Variants in CPQ observed in about 807,000 individuals in gnomAD.
The protein encoded by CPQ is Ser-Met dipeptidase.
In CPQ, 37 loss-of-function variants were observed where a neutral mutation model predicts 45.7. The ratio of observed to expected loss-of-function variants is 0.81; its 90% CI spans 0.62 to 1.07. The LOEUF is 1.07. Among genes scored for constraint, CPQ ranks in the 50% least tolerant of loss-of-function variants. CPQ has a pLI of 0.00. For missense variants in CPQ, 537 were observed against 572.9 expected (o/e 0.94, Z 0.64); for synonymous variants, 186 against 205.8 (o/e 0.90, Z 0.82).
chr8:97,037,654 A>T (rs971256923), intron 6 of CPQ, among the ~76,000 whole-genome samples: 2 of 152,162 alleles, frequency 1.3e-5, no homozygotes, highest in Non-Finnish European at 2.9e-5. Flanking sequence ...TATACTGCAC[A>T]CCTGGGAGCT....
At chr8:96,976,852 G>T (rs551093283) in intron 5 of CPQ, among the ~76,000 whole-genome samples, 1 of 152,130 alleles carries the variant, frequency 6.6e-6, no homozygotes, top group Non-Finnish European at 1.5e-5. Flanking sequence ...ATTAACTCAA[G>T]ATGGAACAAA....
chr8:96,667,351 CTTT>C (rs376559950), intron 1 of CPQ, among the ~76,000 whole-genome samples: 8 of 135,000 alleles, frequency 5.9e-5, no homozygotes, highest in Admixed American at 7.4e-5. Context: ...TTATCTTTTT[CTTT>C]TTTTTTTTTT....
At position 96,995,583 on chromosome 8, in the gene CPQ, AAGGTCTGATAGC is replaced by A. The variant is rs535377474; in HGVS notation, c.961+29540_961+29551del. Among the ~76,000 whole-genome samples the A allele has an allele frequency of 6.5e-3, 993 of 151,956 alleles. 4 individuals are homozygous for A. The highest frequency in any genetic ancestry group is 0.022 in the African/African-American group (925 of 41,474). On this transcript the variant is annotated intron_variant, in intron 5 of 7. Transcript: ENST00000220763. Reference sequence around the variant, plus strand: ...GGGACTGGTGGGAAATCCAAATGGCAAGGTCTGATAGCAGCTGAATAGTTAGAATTGGGGCTC... The same window carrying A: ...GGGACTGGTGGGAAATCCAAATGGCAAGCTGAATAGTTAGAATTGGGGCTC...
intron 7 of CPQ, among the ~76,000 whole-genome samples, chr8:97,084,834 GTGTC>G (rs887534579): frequency 2.6e-4 from 40 of 151,548 alleles, no homozygotes; most frequent in Middle Eastern, 6.8e-3. Context: ...GTGTGTGTGT[GTGTC>G]TCTCTGTGTG....
intron 2 of CPQ, among the ~76,000 whole-genome samples, chr8:96,787,960 T>G (rs1485400845): frequency 6.6e-6 from 1 of 152,116 alleles, no homozygotes; most frequent in Non-Finnish European, 1.5e-5. Flanking sequence ...CAACAAATTC[T>G]CTGAGCCTTT....
chr8:97,068,032 G>T (rs1020237743), intron 7 of CPQ, among the ~76,000 whole-genome samples: 7 of 152,170 alleles, frequency 4.6e-5, no homozygotes, highest in African/African-American at 4.8e-5. Flanking sequence ...GTGCAGACGG[G>T]GGGTGGTTCA....
intron 1 of CPQ, among the ~76,000 whole-genome samples, chr8:96,730,602 T>C: frequency 6.6e-6 from 1 of 151,876 alleles, no homozygotes; most frequent in Non-Finnish European, 1.5e-5. Flanking sequence ...TATAAAATCT[T>C]TTATGATCTT....
intron 1 of CPQ, among the ~76,000 whole-genome samples, chr8:96,730,733 C>T (rs1006461909): frequency 6.6e-6 from 1 of 151,562 alleles, no homozygotes; most frequent in Non-Finnish European, 1.5e-5. Flanking sequence ...TGTCTGGGTA[C>T]CACCCTCAGA....
intron 4 of CPQ, among the ~76,000 whole-genome samples, chr8:96,905,788 G>A (rs901092512): frequency 6.7e-6 from 1 of 148,990 alleles, no homozygotes; most frequent in Non-Finnish European, 1.5e-5. Flanking sequence ...AAAAAAGACT[G>A]GTAAACCTGT....
At chr8:97,011,080 T>C (rs1422172157) in intron 5 of CPQ, among the ~76,000 whole-genome samples, 2 of 152,186 alleles carry the variant, frequency 1.3e-5, no homozygotes, top group Non-Finnish European at 2.9e-5. Flanking sequence ...GAGCAGCTCT[T>C]CCAGAAGATA....
intron 1 of CPQ, among the ~76,000 whole-genome samples, chr8:96,759,492 T>G (rs922643795): frequency 6.6e-6 from 1 of 152,188 alleles, no homozygotes; most frequent in Non-Finnish European, 1.5e-5. Context: ...TTTGGTGAAC[T>G]TAAGGACCTT....
At chr8:96,952,345 A>G (rs529060314) in intron 4 of CPQ, among the ~76,000 whole-genome samples, 5 of 151,712 alleles carry the variant, frequency 3.3e-5, no homozygotes, top group African/African-American at 1.2e-4. Context: ...GTTGGCCACA[A>G]TCTCCTAAAG....
intron 3 of CPQ, among the ~76,000 whole-genome samples, chr8:96,856,075 G>A (rs997052477): frequency 6.6e-6 from 1 of 152,166 alleles, no homozygotes; most frequent in Non-Finnish European, 1.5e-5. Context: ...AGGTTGGCAG[G>A]GCAAGATCTT....
intron 4 of CPQ, among the ~76,000 whole-genome samples, chr8:96,916,538 A>G (rs1028682215): frequency 2.0e-5 from 3 of 152,170 alleles, no homozygotes; most frequent in Non-Finnish European, 4.4e-5. Flanking sequence ...GTAAAATAGT[A>G]CAGAGTTTCC....
At position 96,894,453 on chromosome 8, in the gene CPQ, T is replaced by C. The variant is rs551224679; in HGVS notation, c.849+14448T>C. On this transcript the variant is annotated intron_variant, in intron 4 of 7. Transcript: ENST00000220763. ...ACTTATAGGTGGACAAGGAATTTATTGGGAGGTGTTCTGGGCAAAGAGGCA... is the reference window on the plus strand; with the variant it reads ...ACTTATAGGTGGACAAGGAATTTATCGGGAGGTGTTCTGGGCAAAGAGGCA... Among the ~76,000 whole-genome samples, 9 of 152,274 alleles carry C rather than the reference T, an allele frequency of 5.9e-5. No homozygotes were observed. The South Asian group carries it at 1.9e-3, about 32-fold the overall frequency.
intron 3 of CPQ, among the ~76,000 whole-genome samples, chr8:96,856,819 G>T (rs1586428172): frequency 6.6e-6 from 1 of 152,354 alleles, no homozygotes; most frequent in Middle Eastern, 3.4e-3. Context: ...CTCTTCTCTA[G>T]TGGTTCTGTT....
At chr8:96,885,137 C>T (rs546268659) in intron 4 of CPQ, among the ~76,000 whole-genome samples, 3 of 152,228 alleles carry the variant, frequency 2.0e-5, no homozygotes, top group African/African-American at 7.2e-5. Context: ...AGCATGGCAC[C>T]AGCAATTTGC....
At chr8:96,649,422 A>C (rs1352493509) in intron 1 of CPQ, among the ~76,000 whole-genome samples, 1 of 152,240 alleles carries the variant, frequency 6.6e-6, no homozygotes, top group African/African-American at 2.4e-5. Flanking sequence ...CTATTGCCAT[A>C]GGTCTAATGA....
intron 5 of CPQ, among the ~76,000 whole-genome samples, chr8:97,001,717 C>CT (rs1170870469): frequency 9.8e-6 from 1 of 102,352 alleles, no homozygotes; most frequent in Non-Finnish European, 2.0e-5. Context: ...TTCTTTCTTT[C>CT]TTTCTTTTTT....
Sources: allele counts gnomAD v4.1 joint callset (sites outside exome capture counted in the v4.1 genomes callset), GRCh38; gene constraint gnomAD v4.1.1; transcripts MANE v1.5; gene names NCBI Gene and HGNC (gene_info 2026-07-23, HGNC 2026-07-21).